Variants in PLEKHB2 observed in about 807,000 individuals in gnomAD.
PLEKHB2 encodes pleckstrin homology domain-containing family B member 2.
PLEKHB2 carries 31 observed loss-of-function variants against 36.5 expected under a neutral mutation model. The ratio of observed to expected loss-of-function variants is 0.85; its 90% confidence interval spans 0.64 to 1.15. The LOEUF is 1.15. Ranked by LOEUF, PLEKHB2 falls within the 50% of genes most tolerant of loss-of-function variation. The pLI, the probability that PLEKHB2 is intolerant of heterozygous loss-of-function variation, is 0.00. For synonymous variants in PLEKHB2, 119 were observed against 112.0 expected, an observed-to-expected ratio of 1.06 and a Z score of -0.39; for missense variants, 262 against 295.3, an observed-to-expected ratio of 0.89 and a Z score of 0.83.
At chr2:131,122,837 T>C (rs1268271910) in intron 2 of PLEKHB2, among the ~76,000 whole-genome samples, 1 of 152,194 alleles carries the variant, frequency 6.6e-6, no homozygotes, top group Non-Finnish European at 1.5e-5. Context: ...AAGTCCTGGC[T>C]TGTTGAAGTC....
chr2:131,118,631 C>T (rs1021321176), intron 1 of PLEKHB2, among the ~76,000 whole-genome samples: 1 of 151,578 alleles, frequency 6.6e-6, no homozygotes, highest in Non-Finnish European at 1.5e-5. Context: ...TTTGGGAGAC[C>T]GAGGTGGGCA....
intron 7 of PLEKHB2, among the ~76,000 whole-genome samples, chr2:131,145,635 A>G (rs2104993476): frequency 6.6e-6 from 1 of 152,304 alleles, no homozygotes; most frequent in Non-Finnish European, 1.5e-5. Flanking sequence ...AAGCCTGGCC[A>G]GCCAGCCTTT....
In PLEKHB2 at chr2:131,146,722, G is replaced by A. The variant is rs543972288; in HGVS notation, c.618G>A (p.Leu206=). The A allele has an allele frequency of 6.2e-7, 1 of 1,613,966 alleles. No individual in the cohort carries two copies. Among genetic ancestry groups the A allele is most frequent in the African/African-American group, 1.3e-5 (1 of 75,050 alleles). The change falls in exon 8 of 8, where the codon CTG becomes CTA. Residue 206 remains leucine, a synonymous_variant. Coordinates refer to ENST00000693505, the MANE Select transcript of PLEKHB2 (RefSeq NM_001100623.2). ...ACAGCGACCTGGCACTGGGCATGCTGGCAGGAGCAGCCACGGGCATGGCCT... is the reference window on the plus strand; with the variant it reads ...ACAGCGACCTGGCACTGGGCATGCTAGCAGGAGCAGCCACGGGCATGGCCT... ...DNDSDLALGM[L]AGAATGMALG...
At chr2:131,119,189 G>A (rs1696205737) in intron 1 of PLEKHB2, among the ~76,000 whole-genome samples, 1 of 152,026 alleles carries the variant, frequency 6.6e-6, no homozygotes, top group African/African-American at 2.4e-5. Context: ...GTGGAAGGTG[G>A]AGGTTGCAGT....
chr2:131,137,078 C>T (rs533995671), intron 6 of PLEKHB2, among the ~76,000 whole-genome samples: 1 of 151,492 alleles, frequency 6.6e-6, no homozygotes, highest in Non-Finnish European at 1.5e-5. Flanking sequence ...TCCTGAGTAG[C>T]GGGGACTACA....
At chr2:131,117,907 ATATT>A (rs1167280172) in intron 1 of PLEKHB2, among the ~76,000 whole-genome samples, 2 of 152,216 alleles carry the variant, frequency 1.3e-5, no homozygotes, top group Non-Finnish European at 2.9e-5. Context: ...TGTTCTAAGA[ATATT>A]TAATGAAAAT....
intron 5 of PLEKHB2, among the ~76,000 whole-genome samples, chr2:131,131,190 C>T (rs72863231): frequency 5.9e-5 from 9 of 152,310 alleles, no homozygotes; most frequent in South Asian, 2.1e-4. Flanking sequence ...CTGGGCAGGG[C>T]GCCTTTTGCC....
intron 5 of PLEKHB2, among the ~76,000 whole-genome samples, chr2:131,132,159 A>G (rs1697769599): frequency 1.3e-5 from 2 of 151,680 alleles, no homozygotes; most frequent in Non-Finnish European, 2.9e-5. Flanking sequence ...AAGAGCTAAC[A>G]TGTTTTTCTT....
At chr2:131,119,409 A>T (rs1696233812) in intron 1 of PLEKHB2, among the ~76,000 whole-genome samples, 1 of 152,196 alleles carries the variant, frequency 6.6e-6, no homozygotes, top group African/African-American at 2.4e-5. Flanking sequence ...TCCTCCCAGG[A>T]GGCAGCCTGC....
chr2:131,125,387 G>C (rs746592845), intron 2 of PLEKHB2, among the ~76,000 whole-genome samples: 1 of 152,320 alleles, frequency 6.6e-6, no homozygotes, highest in East Asian at 1.9e-4. Flanking sequence ...ACCAGTTGGC[G>C]GGCCCTGTGC....
chr2:131,128,625 C>T lies in PLEKHB2; in HGVS notation c.293+1839C>T, dbSNP rs115470327. Among the ~76,000 whole-genome samples the T allele has an allele frequency of 1.2e-3, 178 of 152,272 alleles. 2 individuals are homozygous for T. The highest frequency in any genetic ancestry group is 4.0e-3 in the African/African-American group (167 of 41,554). ...GTTGCTGTCAAGAGGGTGCCATTCA[C>T]GTTATAATCTGAAGAAAGTGGTCTT... On this transcript the variant is annotated intron_variant, in intron 4 of 7. Transcript: ENST00000693505.
rs141479575 is a variant in PLEKHB2 at position 131,135,273 on chromosome 2, G to A, written c.423+2282G>A. Among the ~76,000 whole-genome samples, 970 of 152,024 alleles carry A rather than the reference G, an allele frequency of 6.4e-3. 9 individuals are homozygous for A. Among genetic ancestry groups the A allele is most frequent in the African/African-American group, 0.022 (927 of 41,436 alleles). On this transcript the variant is annotated intron_variant, in intron 6 of 7. Coordinates refer to ENST00000693505, the MANE Select transcript of PLEKHB2 (RefSeq NM_001100623.2). ...AGTAGAGATGGGGTTTCACCATGAT[G>A]GCCAGGCTAGTTTCAAACTCCTGAC...
chr2:131,120,758 C>T (rs951215237), intron 1 of PLEKHB2, 176 bp from the exon 2 acceptor site: 29 of 691,202 alleles, frequency 4.2e-5, no homozygotes, highest in East Asian at 3.3e-4. Context: ...GTACAGAGTG[C>T]GGGGCACATG....
chr2:131,129,473 A>G (rs1321489822), intron 4 of PLEKHB2, among the ~76,000 whole-genome samples: 1 of 152,122 alleles, frequency 6.6e-6, no homozygotes, highest in Non-Finnish European at 1.5e-5. Context: ...AAGAAAAGTA[A>G]GGGGTAAAGG....
chr2:131,142,957 C>T (rs778163648), intron 7 of PLEKHB2, among the ~76,000 whole-genome samples: 53 of 152,074 alleles, frequency 3.5e-4, no homozygotes, highest in Non-Finnish European at 6.5e-4. Context: ...TTTGACTTTC[C>T]GATGGTGCGA....
intron 2 of PLEKHB2, 21 bp from the exon 3 acceptor site, chr2:131,125,732 C>T (rs373103987): frequency 3.2e-5 from 51 of 1,576,030 alleles, no homozygotes; most frequent in Middle Eastern, 1.7e-4. Context: ...AAAAAACAAC[C>T]GTACTATTTT....
intron 6 of PLEKHB2, among the ~76,000 whole-genome samples, chr2:131,138,577 G>C (rs990420978): frequency 2.0e-5 from 3 of 152,184 alleles, no homozygotes; most frequent in Non-Finnish European, 4.4e-5. Context: ...GGCTCGCCTT[G>C]AGCCTCAGTT....
At chr2:131,108,267 A>G (rs1248354967) in intron 1 of PLEKHB2, among the ~76,000 whole-genome samples, 1 of 152,220 alleles carries the variant, frequency 6.6e-6, no homozygotes, top group African/African-American at 2.4e-5. Context: ...TATGGCTTAC[A>G]TTTTAAAGCT....
intron 2 of PLEKHB2, among the ~76,000 whole-genome samples, chr2:131,125,551 T>G (rs1364898935): frequency 2.0e-5 from 3 of 152,134 alleles, no homozygotes; most frequent in Non-Finnish European, 4.4e-5. Context: ...GATTTCTAAA[T>G]TTTGAAGGCT....
Sources: gnomAD v4.1 joint callset for allele counts (sites outside exome capture counted in the v4.1 genomes callset) on GRCh38, gnomAD v4.1.1 for gene constraint, MANE v1.5 for transcripts, NCBI Gene and HGNC (gene_info 2026-07-23, HGNC 2026-07-21) for gene names.